Variants in PXDNL observed in about 807,000 individuals in gnomAD.
PXDNL encodes the protein peroxidasin like.
In PXDNL, 145 loss-of-function variants were observed where a neutral mutation model predicts 150.8. The observed-to-expected ratio is 0.96, with a 90% CI of 0.84 to 1.10. PXDNL has a LOEUF of 1.10. Ranked by LOEUF, PXDNL falls within the 50% of genes least tolerant of loss-of-function variation. The probability of loss-of-function intolerance (pLI) is 0.00; values close to 1 mark genes in which losing one functional copy is unlikely to be tolerated. For synonymous variants in PXDNL, 757 were observed against 725.7 expected (o/e 1.04, Z -0.69); for missense variants, 2,087 against 1,873.9 (o/e 1.11, Z -2.10).
At chr8:51,713,168 A>G (rs753962311) in intron 1 of PXDNL, among the ~76,000 whole-genome samples, 7 of 152,236 alleles carry the variant, frequency 4.6e-5, no homozygotes, top group Non-Finnish European at 7.3e-5. Context: ...TCTTCAGAAA[A>G]TCATGTTAGA....
chr8:51,741,099 G>A (rs188164697), intron 1 of PXDNL, among the ~76,000 whole-genome samples: 1 of 152,186 alleles, frequency 6.6e-6, no homozygotes, highest in Admixed American at 6.5e-5. Flanking sequence ...CTGGTTTTTT[G>A]TTTGTGTGTT....
chr8:51,766,744 A>T (rs12680147), intron 1 of PXDNL, among the ~76,000 whole-genome samples: 79,242 of 137,982 alleles, frequency 0.57, 24,859 homozygotes, highest in Non-Finnish European at 0.74. Flanking sequence ...TCTTTTTTTT[A>T]AAAAAAAAAG....
rs1037410642 is a variant in PXDNL, at chr8:51,559,342, C to G, written c.309-2431G>C. 9.7e-4 allele frequency among the ~76,000 whole-genome samples: 137 copies of G among 141,600 alleles called. 1 individual carries two copies. The highest frequency in any genetic ancestry group is 6.8e-4 in the Non-Finnish European group (44 of 64,306). 92.9% of individuals were successfully genotyped at this position (141,600 alleles called of 152,430 possible). A position where few individuals can be genotyped will look rare whatever the true frequency, so the allele number is the denominator to read the frequency against. On this transcript the variant is annotated intron_variant, in intron 3 of 22. Transcript: ENST00000356297. ...TTGTTTCTTCCAAACCCCCCCCCCC[C>G]CCGCCACCTTCTTTCCTGATTAATT...
chr8:51,345,231 C>T (rs536773495), intron 20 of PXDNL, among the ~76,000 whole-genome samples: 1 of 152,300 alleles, frequency 6.6e-6, no homozygotes, highest in South Asian at 2.1e-4. Context: ...TACCTATGCT[C>T]AAGGTAGTGT....
At chr8:51,496,210 G>A (rs1254791353) in intron 5 of PXDNL, among the ~76,000 whole-genome samples, 2 of 152,178 alleles carry the variant, frequency 1.3e-5, no homozygotes, top group African/African-American at 4.8e-5. Flanking sequence ...TGCAGAAAAG[G>A]CCTTTGACAA....
chr8:51,733,814 T>G (rs200622997), intron 1 of PXDNL, among the ~76,000 whole-genome samples: 1 of 3,370 alleles, frequency 3.0e-4, no homozygotes, highest in East Asian at 0.5. Context: ...TCTCAAATAA[T>G]ATATATATAT....
At chr8:51,453,895 C>A in intron 9 of PXDNL, 110 bp from the exon 10 acceptor site, 1 of 1,062,570 alleles carries the variant, frequency 9.4e-7, no homozygotes, top group Non-Finnish European at 1.3e-6. Flanking sequence ...TTCCTTTAAA[C>A]TAAAATATTA....
chr8:51,440,159 T>A (rs1809507767), intron 12 of PXDNL, among the ~76,000 whole-genome samples: 1 of 152,116 alleles, frequency 6.6e-6, no homozygotes, highest in East Asian at 1.9e-4. Context: ...ACTATTATTC[T>A]AAGTGAAGTA....
At chr8:51,390,096 G>T (rs1160972422) in intron 17 of PXDNL, among the ~76,000 whole-genome samples, 1 of 152,054 alleles carries the variant, frequency 6.6e-6, no homozygotes. Flanking sequence ...GCTAAAAAAT[G>T]TTATGAAGTA....
intron 19 of PXDNL, among the ~76,000 whole-genome samples, chr8:51,370,686 T>C (rs1807076215): frequency 6.6e-6 from 1 of 152,184 alleles, no homozygotes; most frequent in Admixed American, 6.5e-5. Context: ...AACCTCCGCC[T>C]CCAGGGTTCA....
At chr8:51,796,372 C>A (rs1421688020) in intron 1 of PXDNL, among the ~76,000 whole-genome samples, 1 of 144,206 alleles carries the variant, frequency 6.9e-6, no homozygotes, top group Non-Finnish European at 1.5e-5. Flanking sequence ...TCAAAAAAAT[C>A]AATGAATACA....
rs182361359 is a variant in PXDNL at position 51,680,741 on chromosome 8, C to T, written c.165-25981G>A. ...CCCATGTAGGACTACTGCTCGCTCG[C>T]TGTGTGATCTTGGGCAGGTTTTTAG... On this transcript the variant is annotated intron_variant, in intron 1 of 22. Transcript: ENST00000356297. 9.5e-4 allele frequency among the ~76,000 whole-genome samples: 144 copies of T among 152,288 alleles called. 1 individual carries two copies. The highest frequency in any genetic ancestry group is 1.7e-3 in the Non-Finnish European group (118 of 68,032).
intron 6 of PXDNL, among the ~76,000 whole-genome samples, chr8:51,482,020 A>G (rs988736789): frequency 6.6e-6 from 1 of 152,140 alleles, no homozygotes; most frequent in Non-Finnish European, 1.5e-5. Context: ...AAGAAGGCCA[A>G]CGTCCTCCAG....
intron 4 of PXDNL, among the ~76,000 whole-genome samples, chr8:51,553,204 C>A (rs1360361357): frequency 6.6e-6 from 1 of 152,160 alleles, no homozygotes. Context: ...CTCAGCACAC[C>A]CAAAGCTCTC....
chr8:51,494,077 A>T (rs1810975293), intron 5 of PXDNL, among the ~76,000 whole-genome samples: 1 of 152,212 alleles, frequency 6.6e-6, no homozygotes, highest in Non-Finnish European at 1.5e-5. Context: ...CTAACAGCGG[A>T]TCTCTCAGCA....
chr8:51,590,446 G>A (rs1554555791), intron 3 of PXDNL, among the ~76,000 whole-genome samples: 1 of 152,142 alleles, frequency 6.6e-6, no homozygotes, highest in Non-Finnish European at 1.5e-5. Context: ...TCATAGGCAT[G>A]AGACTCCAAC....
At chr8:51,701,246 A>G (rs1816253053) in intron 1 of PXDNL, among the ~76,000 whole-genome samples, 1 of 152,156 alleles carries the variant, frequency 6.6e-6, no homozygotes, top group Non-Finnish European at 1.5e-5. Flanking sequence ...CAATAATATT[A>G]TATGTATATT....
intron 1 of PXDNL, among the ~76,000 whole-genome samples, chr8:51,668,176 C>CTCTTTTTTTTT (rs1554564343): frequency 6.5e-5 from 5 of 77,386 alleles, no homozygotes; most frequent in African/African-American, 2.1e-4. Context: ...CTCGCTCTCT[C>CTCTTTTTTTTT]TTTTTTTTTT....
At chr8:51,780,654 C>CTTTTTTTTTTTTT (rs71237240) in intron 1 of PXDNL, among the ~76,000 whole-genome samples, 3 of 75,172 alleles carry the variant, frequency 4.0e-5, no homozygotes, top group African/African-American at 4.4e-5. Flanking sequence ...CTTTTCTTTT[C>CTTTTTTTTTTTTT]TTTTTTTTTT....
Sources: allele counts gnomAD v4.1 joint callset (sites outside exome capture counted in the v4.1 genomes callset), GRCh38; gene constraint gnomAD v4.1.1; transcripts MANE v1.5; gene names NCBI Gene and HGNC (gene_info 2026-07-23, HGNC 2026-07-21).